QTMAN: variants seen among roughly 807,000 people sequenced by gnomAD.
QTMAN encodes the protein queuosine-tRNA mannosyltransferase.
chr2:144,124,938 C>T, the QTMAN span, among the ~76,000 whole-genome samples: 2 of 152,098 alleles, frequency 1.3e-5, no homozygotes, highest in Non-Finnish European at 2.9e-5. Context: ...GGAAAACTTA[C>T]ATATGTCTGG....
chr2:143,971,354 T>A, the QTMAN span, among the ~76,000 whole-genome samples: 3 of 152,286 alleles, frequency 2.0e-5, no homozygotes, highest in South Asian at 6.2e-4. Context: ...AGGAGGTAGG[T>A]CTGGGTCTAT....
the QTMAN span, chr2:143,944,264 C>T: frequency 6.6e-6 from 1 of 151,968 alleles, no homozygotes; most frequent in African/African-American, 2.4e-5. Flanking sequence ...CACACACACT[C>T]CTACATATTT....
At chr2:143,967,104 C>CT in the QTMAN span, among the ~76,000 whole-genome samples, 1 of 152,184 alleles carries the variant, frequency 6.6e-6, no homozygotes, top group Non-Finnish European at 1.5e-5. Flanking sequence ...CTTTCAGAGT[C>CT]TGTTTCCCTA....
At chr2:144,109,051 G>A in the QTMAN span, among the ~76,000 whole-genome samples, 21 of 152,186 alleles carry the variant, frequency 1.4e-4, no homozygotes, top group African/African-American at 4.8e-4. Flanking sequence ...TCACAGAATT[G>A]GAAAAAACTA....
chr2:144,021,758 A>G, the QTMAN span, among the ~76,000 whole-genome samples: 1 of 152,354 alleles, frequency 6.6e-6, no homozygotes, highest in East Asian at 1.9e-4. Flanking sequence ...ATAGAACACA[A>G]TGAGGCTCAG....
At chr2:144,154,819 T>A in the QTMAN span, among the ~76,000 whole-genome samples, 1 of 152,228 alleles carries the variant, frequency 6.6e-6, no homozygotes, top group South Asian at 2.1e-4. Context: ...ACTTGGCAGC[T>A]ATCACTCTGG....
chr2:144,179,013 G>C, the QTMAN span: 2 of 461,012 alleles, frequency 4.3e-6, no homozygotes, highest in Non-Finnish European at 4.5e-6. Context: ...AAACTTCTTT[G>C]ATTATTTAAA....
the QTMAN span, among the ~76,000 whole-genome samples, chr2:144,092,133 T>A: frequency 6.6e-6 from 1 of 152,096 alleles, no homozygotes; most frequent in Non-Finnish European, 1.5e-5. Context: ...GTGGTGATGG[T>A]TACACAGGTG....
the QTMAN span, among the ~76,000 whole-genome samples, chr2:143,996,915 G>T: frequency 6.6e-6 from 1 of 151,974 alleles, no homozygotes; most frequent in Admixed American, 6.6e-5. Flanking sequence ...TACATGATTA[G>T]GAATAGTTTA....
At chr2:143,979,512 C>T in the QTMAN span, among the ~76,000 whole-genome samples, 4 of 152,330 alleles carry the variant, frequency 2.6e-5, no homozygotes, top group Middle Eastern at 6.8e-3. Flanking sequence ...CCTCACCCTA[C>T]CTGATCCCAT....
chr2:144,037,362 G>A, the QTMAN span, among the ~76,000 whole-genome samples: 4 of 152,124 alleles, frequency 2.6e-5, no homozygotes, highest in Non-Finnish European at 5.9e-5. Context: ...CCCATAATGA[G>A]ATGTCATTTA....
chr2:144,071,483 T>C, the QTMAN span, among the ~76,000 whole-genome samples: 1 of 152,182 alleles, frequency 6.6e-6, no homozygotes, highest in Middle Eastern at 3.2e-3. Flanking sequence ...AAGGCTAAAG[T>C]TAACAGAAAT....
chr2:144,253,956 C>T, the QTMAN span, among the ~76,000 whole-genome samples: 2 of 152,202 alleles, frequency 1.3e-5, no homozygotes, highest in Admixed American at 6.5e-5. Context: ...TGGGTCCAAA[C>T]TCCTGCTCCC....
chr2:144,227,184 T>C, the QTMAN span, among the ~76,000 whole-genome samples: 1 of 152,186 alleles, frequency 6.6e-6, no homozygotes, highest in Non-Finnish European at 1.5e-5. Flanking sequence ...AATGACCTGT[T>C]TGCCTTTTGA....
chr2:144,071,697 C>T, the QTMAN span, among the ~76,000 whole-genome samples: 1 of 152,094 alleles, frequency 6.6e-6, no homozygotes, highest in East Asian at 1.9e-4. Context: ...CCAACATCTT[C>T]TCTAAATTTC....
At chr2:143,949,113 C>CGTGT in the QTMAN span, among the ~76,000 whole-genome samples, 5 of 149,922 alleles carry the variant, frequency 3.3e-5, no homozygotes, top group Non-Finnish European at 6.0e-5. Flanking sequence ...GCCAAGTGTA[C>CGTGT]GTGTGTGTGT....
the QTMAN span, among the ~76,000 whole-genome samples, chr2:143,953,504 TAAAC>T: frequency 6.6e-6 from 1 of 151,896 alleles, no homozygotes; most frequent in Non-Finnish European, 1.5e-5. Flanking sequence ...CTTGTATTAT[TAAAC>T]AAACAAACAT....
At chr2:144,168,939 T>C in the QTMAN span, among the ~76,000 whole-genome samples, 1 of 152,066 alleles carries the variant, frequency 6.6e-6, no homozygotes, top group Non-Finnish European at 1.5e-5. Flanking sequence ...TTATTATCGT[T>C]CTCCGTAGAA....
the QTMAN span, among the ~76,000 whole-genome samples, chr2:144,308,565 T>C: frequency 6.6e-6 from 1 of 152,116 alleles, no homozygotes; most frequent in Admixed American, 6.5e-5. Context: ...ACACTATATA[T>C]AAAAATTAAC....
Sources: allele counts gnomAD v4.1 joint callset (sites outside exome capture counted in the v4.1 genomes callset), GRCh38; gene constraint gnomAD v4.1.1; transcripts MANE v1.5; gene names NCBI Gene and HGNC (gene_info 2026-07-23, HGNC 2026-07-21).